Variants in ADGB observed in about 807,000 individuals in gnomAD.
The protein encoded by ADGB is calpain-7-like protein.
In ADGB, 172 loss-of-function variants were observed where a neutral mutation model predicts 210.5. That is an observed-to-expected ratio of 0.82 (90% CI 0.72 to 0.93). The LOEUF (loss-of-function observed/expected upper bound fraction) is 0.93. Among genes scored for constraint, ADGB ranks in the 40% least tolerant of loss-of-function variants. ADGB has a pLI of 0.00. For missense variants in ADGB, 2,025 were observed against 1,964.8 expected (o/e 1.03, Z -0.58); for synonymous variants, 658 against 662.7 (o/e 0.99, Z 0.11).
In ADGB at chr6:146,781,431, A is replaced by G. The variant is rs557956397; in HGVS notation, c.3863-589A>G. Among the ~76,000 whole-genome samples the G allele has an allele frequency of 5.3e-5, 8 of 151,924 alleles. No individual in the cohort carries two copies. The South Asian group carries it at 1.7e-3, about 32-fold the overall frequency. On this transcript the variant is annotated intron_variant, in intron 29 of 35. Coordinates refer to ENST00000397944, the MANE Select transcript of ADGB (RefSeq NM_024694.4). Reference sequence around the variant, plus strand: ...TACTCTCTTAACCAATGGAACAGAGAAGAAATCACAAGAGAAATTAAGAAA... The same window carrying G: ...TACTCTCTTAACCAATGGAACAGAGGAGAAATCACAAGAGAAATTAAGAAA...
At chr6:146,763,099 T>C (rs2114624272) in intron 27 of ADGB, among the ~76,000 whole-genome samples, 1 of 152,320 alleles carries the variant, frequency 6.6e-6, no homozygotes, top group Non-Finnish European at 1.5e-5. Context: ...TGCTGTTCAC[T>C]ACTTTGGGCT....
At chr6:146,700,631 A>AAATCAATTC (rs1360364815) in intron 12 of ADGB, among the ~76,000 whole-genome samples, 22 of 152,138 alleles carry the variant, frequency 1.4e-4, no homozygotes, top group Admixed American at 1.4e-3. Context: ...TCTGATAATT[A>AAATCAATTC]AATCAATTCC....
chr6:146,697,621 A>C (rs981788876), intron 12 of ADGB, among the ~76,000 whole-genome samples: 1 of 152,126 alleles, frequency 6.6e-6, no homozygotes, highest in Non-Finnish European at 1.5e-5. Flanking sequence ...GGAGACAAAA[A>C]AAATGGGAAA....
intron 1 of ADGB, among the ~76,000 whole-genome samples, chr6:146,624,489 G>C (rs370428299): frequency 6.6e-6 from 1 of 151,706 alleles, no homozygotes; most frequent in Non-Finnish European, 1.5e-5. Flanking sequence ...CTGATGAAAG[G>C]TTGTTATAAA....
chr6:146,664,627 T>C (rs1258763871), intron 6 of ADGB, among the ~76,000 whole-genome samples: 1 of 151,994 alleles, frequency 6.6e-6, no homozygotes, highest in Non-Finnish European at 1.5e-5. Flanking sequence ...GATGTTTTGT[T>C]TAATAGGAGA....
chr6:146,661,288 A>G (rs1331187149), intron 5 of ADGB, among the ~76,000 whole-genome samples: 4 of 131,390 alleles, frequency 3.0e-5, no homozygotes, highest in Admixed American at 1.9e-4. Context: ...TGGCACAATT[A>G]TAGCTCACTG....
At chr6:146,695,195 G>A (rs1776386614) in intron 12 of ADGB, among the ~76,000 whole-genome samples, 1 of 152,114 alleles carries the variant, frequency 6.6e-6, no homozygotes, top group Non-Finnish European at 1.5e-5. Context: ...GATTGGCTTA[G>A]TTGTAGTTTT....
intron 16 of ADGB, among the ~76,000 whole-genome samples, chr6:146,717,872 T>A (rs1209706362): frequency 1.3e-5 from 2 of 152,124 alleles, no homozygotes; most frequent in Admixed American, 1.3e-4. Flanking sequence ...TATGAAAAAA[T>A]GAAGGACATG....
At chr6:146,691,351 C>A in intron 11 of ADGB, 61 bp downstream of exon 11, 1 of 1,345,022 alleles carries the variant, frequency 7.4e-7, no homozygotes. Context: ...ACAGTTTCAT[C>A]TGCGGTGAAA....
rs187156837 is a variant in ADGB at position 146,675,700 on chromosome 6, G to C, written c.1088-613G>C. ...GTTAGGGAATTAAAAAAATCTTTGA[G>C]AAAAGTATTTTAGGTTGAAGAAGAA... On this transcript the variant is annotated intron_variant, in intron 8 of 35. Coordinates refer to ENST00000397944, the MANE Select transcript of ADGB (RefSeq NM_024694.4). Among the ~76,000 whole-genome samples the C allele has an allele frequency of 4.6e-4, 70 of 152,198 alleles. No homozygotes were observed. The East Asian group carries it at 0.012, about 27-fold the overall frequency.
chr6:146,622,396 A>G (rs900235749), intron 1 of ADGB, among the ~76,000 whole-genome samples: 3 of 151,706 alleles, frequency 2.0e-5, no homozygotes, highest in African/African-American at 7.3e-5. Flanking sequence ...CGTTTTTATG[A>G]CAAGATCAGA....
intron 35 of ADGB, among the ~76,000 whole-genome samples, chr6:146,811,378 C>A (rs1270575630): frequency 6.6e-6 from 1 of 151,636 alleles, no homozygotes; most frequent in African/African-American, 2.4e-5. Context: ...ACAAATATAC[C>A]ATAATTTATT....
chr6:146,744,691 A>C (rs1001801194), intron 25 of ADGB, among the ~76,000 whole-genome samples: 1 of 152,144 alleles, frequency 6.6e-6, no homozygotes, highest in Non-Finnish European at 1.5e-5. Context: ...GTAATTCAGA[A>C]TACTAGTCTG....
rs1355965264 is a variant in ADGB at position 146,672,396 on chromosome 6, T to G, written c.1016T>G (p.Val339Gly). The G allele has an allele frequency of 6.4e-7, 1 of 1,551,374 alleles. No homozygotes were observed. Among genetic ancestry groups the G allele is most frequent in the South Asian group, 1.2e-5 (1 of 84,014 alleles). ...AAGGATGGAAAGGAAGTAAAAGACG[T>G]GAAGGAATTCAAACCTGAAAGTTCT... Reference protein sequence around the residue: ...EIKDGKEVKDVKEFKPESSLT... With the variant: ...EIKDGKEVKDGKEFKPESSLT... The change falls in exon 8 of 36, where the codon GTG becomes GGG. Residue 339 changes from valine (V) to glycine (G), a missense_variant. By Grantham distance (109) the Val-to-Gly change is moderately radical (BLOSUM62 -3). Transcript: ENST00000397944.
intron 33 of ADGB, among the ~76,000 whole-genome samples, chr6:146,790,084 T>TG (rs1777932567): frequency 6.6e-6 from 1 of 152,218 alleles, no homozygotes; most frequent in Non-Finnish European, 1.5e-5. Context: ...TATATATTTA[T>TG]GGGGTACAAT....
chr6:146,629,073 ATATAT>A (rs1156389586), intron 1 of ADGB, among the ~76,000 whole-genome samples: 24 of 152,322 alleles, frequency 1.6e-4, no homozygotes, highest in African/African-American at 5.5e-4. Context: ...TTCAAAAGTA[ATATAT>A]TATAAAAGTA....
rs1777158715 is a variant in ADGB, at chr6:146,741,151, G to T, written c.3057G>T (p.Leu1019Phe). The change falls in exon 25 of 36, where the codon TTG becomes TTT. Residue 1019 changes from leucine (L) to phenylalanine (F), a missense_variant. Transcript: ENST00000397944. ...TTTTGGTTCATCAAGACATGATTTT[G>T]GTTCCCAAAGTATATACTACACTTC... is the stretch of plus-strand genomic sequence containing the variant. The part of the protein sequence containing the change: ...ETFLVHQDMI[L>F]VPKVYTTLPI... 4.6e-6 allele frequency: 7 copies of T among 1,531,214 alleles called. No homozygotes were observed. Among genetic ancestry groups the T allele is most frequent in the Non-Finnish European group, 6.1e-6 (7 of 1,138,480 alleles). 94.9% of individuals were successfully genotyped at this position (1,531,214 alleles called of 1,614,324 possible).
intron 4 of ADGB, among the ~76,000 whole-genome samples, chr6:146,654,541 C>T (rs143826398): frequency 0.012 from 1,786 of 151,922 alleles, 31 homozygotes; most frequent in African/African-American, 0.041. Flanking sequence ...TTGGTAGAGA[C>T]GAGATCGCAC....
chr6:146,700,415 TA>T (rs1360472679), intron 12 of ADGB, among the ~76,000 whole-genome samples: 2 of 152,150 alleles, frequency 1.3e-5, no homozygotes, highest in South Asian at 2.1e-4. Flanking sequence ...CACACTTACT[TA>T]AAAAATACAT....
Sources: allele counts gnomAD v4.1 joint callset (sites outside exome capture counted in the v4.1 genomes callset), GRCh38; gene constraint gnomAD v4.1.1; transcripts MANE v1.5; gene names NCBI Gene and HGNC (gene_info 2026-07-23, HGNC 2026-07-21).